Variants in BCKDHB observed in about 807,000 individuals in gnomAD.
BCKDHB encodes branched chain keto acid dehydrogenase E1 subunit beta, also known as 2-oxoisovalerate dehydrogenase subunit beta, mitochondrial.
A neutral mutation model predicts 48.5 loss-of-function variants in BCKDHB; 41 were observed. The observed-to-expected ratio is 0.85, with a 90% confidence interval of 0.66 to 1.10. The LOEUF is 1.10. Ranked by LOEUF, BCKDHB falls within the 50% of genes least tolerant of loss-of-function variation. The probability of loss-of-function intolerance (pLI) is 0.00; values close to 1 mark genes in which losing one functional copy is unlikely to be tolerated. For synonymous variants in BCKDHB, 201 were observed against 174.8 expected (o/e 1.15, Z -1.18); for missense variants, 496 against 494.2 (o/e 1.00, Z -0.03).
chr6:80,208,944 A>G (rs530115306), intron 8 of BCKDHB, among the ~76,000 whole-genome samples: 1 of 151,996 alleles, frequency 6.6e-6, no homozygotes, highest in African/African-American at 2.4e-5. Context: ...CGTATTTAGG[A>G]CAGTATAAGA....
chr6:80,220,304 G>GTTTTTTTTTTTTTTTT (rs56967096), intron 8 of BCKDHB, among the ~76,000 whole-genome samples: 6 of 60,860 alleles, frequency 9.9e-5, no homozygotes, highest in East Asian at 5.8e-4. Flanking sequence ...CATGCTATTT[G>GTTTTTTTTTTTTTTTT]TTTTTTTTTT....
intron 8 of BCKDHB, among the ~76,000 whole-genome samples, chr6:80,251,059 A>G (rs1309932799): frequency 1.3e-5 from 2 of 152,136 alleles, no homozygotes; most frequent in African/African-American, 4.8e-5. Context: ...TACTGACTAG[A>G]TAGTATTAAT....
intron 2 of BCKDHB, 116 bp from the exon 3 acceptor site, chr6:80,129,045 A>C (rs547779991): frequency 2.6e-6 from 2 of 776,736 alleles, no homozygotes; most frequent in Admixed American, 2.4e-5. Flanking sequence ...ATCGAGATCT[A>C]TGGTCCATTT....
chr6:80,355,741 C>G, the BCKDHB span: 1 of 152,114 alleles, frequency 6.6e-6, no homozygotes, highest in Non-Finnish European at 1.5e-5. Flanking sequence ...CTTTCAAACA[C>G]AAGGAATTTG....
At chr6:80,300,956 A>G (rs1767548149) in intron 9 of BCKDHB, among the ~76,000 whole-genome samples, 1 of 152,208 alleles carries the variant, frequency 6.6e-6, no homozygotes, top group Admixed American at 6.5e-5. Flanking sequence ...GTGAACATAG[A>G]AATTGTCAGA....
intron 6 of BCKDHB, among the ~76,000 whole-genome samples, chr6:80,175,435 A>AT (rs1049084221): frequency 1.3e-5 from 2 of 152,190 alleles, no homozygotes; most frequent in African/African-American, 4.8e-5. Context: ...CTCTACCACA[A>AT]TTACTTGCAT....
intron 4 of BCKDHB, among the ~76,000 whole-genome samples, chr6:80,168,553 G>A (rs1174650272): frequency 7.3e-6 from 1 of 137,092 alleles, no homozygotes. Context: ...AAGGGAGGGA[G>A]GGAGGAAGGA....
At chr6:80,406,275 G>A in the BCKDHB span, among the ~76,000 whole-genome samples, 54 of 152,264 alleles carry the variant, frequency 3.5e-4, no homozygotes, top group African/African-American at 7.7e-4. Flanking sequence ...GAATAGTGCC[G>A]CAATAAACAT....
intron 9 of BCKDHB, among the ~76,000 whole-genome samples, chr6:80,309,587 G>T (rs992114938): frequency 6.6e-5 from 10 of 151,056 alleles, no homozygotes; most frequent in South Asian, 2.1e-4. Flanking sequence ...GGTTTTTTTT[G>T]TTTGTTTGTT....
intron 8 of BCKDHB, among the ~76,000 whole-genome samples, chr6:80,267,407 AAGG>A (rs1319402190): frequency 6.6e-6 from 1 of 152,116 alleles, no homozygotes; most frequent in Non-Finnish European, 1.5e-5. Flanking sequence ...TGACAAGAAA[AAGG>A]AGGAAAGGTA....
At chr6:80,425,413 G>T in the BCKDHB span, among the ~76,000 whole-genome samples, 1 of 152,012 alleles carries the variant, frequency 6.6e-6, no homozygotes, top group East Asian at 1.9e-4. Context: ...GTAACAGCTT[G>T]GTTTTTTCAA....
chr6:80,166,729 T>C (rs1452971858), intron 3 of BCKDHB, among the ~76,000 whole-genome samples: 3 of 152,256 alleles, frequency 2.0e-5, no homozygotes, highest in South Asian at 2.1e-4. Flanking sequence ...AATTACACTA[T>C]GGTCAGAGAA....
At chr6:80,407,981 G>T in the BCKDHB span, among the ~76,000 whole-genome samples, 391 of 152,252 alleles carry the variant, frequency 2.6e-3, no homozygotes, top group Non-Finnish European at 4.5e-3. Context: ...TATGATATTG[G>T]CTGTGGGTTT....
chr6:80,385,965 T>C, the BCKDHB span, among the ~76,000 whole-genome samples: 1 of 152,206 alleles, frequency 6.6e-6, no homozygotes, highest in Non-Finnish European at 1.5e-5. Flanking sequence ...TAATAGTTTA[T>C]TTGCTTGGTT....
chr6:80,245,061 A>G (rs1776553217), intron 8 of BCKDHB, among the ~76,000 whole-genome samples: 1 of 147,652 alleles, frequency 6.8e-6, no homozygotes, highest in Non-Finnish European at 1.5e-5. Flanking sequence ...AAACAGAGAT[A>G]TAATAGTAGT....
chr6:80,280,107 T>C (rs920395915), intron 9 of BCKDHB, among the ~76,000 whole-genome samples: 1 of 152,174 alleles, frequency 6.6e-6, no homozygotes, highest in Non-Finnish European at 1.5e-5. Context: ...CGTTGACAAG[T>C]AGGTAAGAAT....
At chr6:80,155,445 G>A (rs1322743108) in intron 3 of BCKDHB, among the ~76,000 whole-genome samples, 2 of 152,136 alleles carry the variant, frequency 1.3e-5, no homozygotes, top group African/African-American at 4.8e-5. Flanking sequence ...GTTGATTCGG[G>A]TATCAAGCTG....
At chr6:80,380,939 T>C in the BCKDHB span, among the ~76,000 whole-genome samples, 1 of 152,030 alleles carries the variant, frequency 6.6e-6, no homozygotes, top group South Asian at 2.1e-4. Flanking sequence ...AATAATTTTT[T>C]AGTGGATTCC....
intron 8 of BCKDHB, among the ~76,000 whole-genome samples, chr6:80,262,920 A>G (rs918291332): frequency 1.3e-5 from 2 of 152,216 alleles, no homozygotes; most frequent in South Asian, 2.1e-4. Flanking sequence ...GTCCTTGTCA[A>G]TGAAAGCATT....
Sources: allele counts gnomAD v4.1 joint callset (sites outside exome capture counted in the v4.1 genomes callset), GRCh38; gene constraint gnomAD v4.1.1; transcripts MANE v1.5; gene names NCBI Gene and HGNC (gene_info 2026-07-23, HGNC 2026-07-21).